The following TMEM209 variants were observed in gnomAD, a reference collection of about 807,000 sequenced individuals.
TMEM209 encodes testicular tissue protein Li 202.
A neutral mutation model predicts 76.2 loss-of-function variants in TMEM209; 65 were observed. The ratio of observed to expected loss-of-function variants is 0.85; its 90% CI spans 0.70 to 1.05. TMEM209 has a LOEUF of 1.05. TMEM209 is among the 50% of genes least tolerant of loss of function. The pLI, the probability that TMEM209 is intolerant of heterozygous loss-of-function variation, is 0.00. For missense variants in TMEM209, 623 were observed against 685.5 expected (o/e 0.91, Z 1.02); for synonymous variants, 239 against 237.6 (o/e 1.01, Z -0.06).
chr7:130,193,504 A>T (rs1456147327), intron 5 of TMEM209, among the ~76,000 whole-genome samples: 1 of 151,808 alleles, frequency 6.6e-6, no homozygotes, highest in Non-Finnish European at 1.5e-5. Context: ...GCGCGACTGC[A>T]CTCCAGCCTG....
intron 8 of TMEM209, among the ~76,000 whole-genome samples, chr7:130,183,706 G>A (rs776093950): frequency 6.6e-6 from 1 of 152,166 alleles, no homozygotes; most frequent in Non-Finnish European, 1.5e-5. Context: ...CACTCACTCT[G>A]TATATGGAAA....
At chr7:130,205,039 T>C (rs1798391528) in intron 1 of TMEM209, 11 of 1,277,050 alleles carry the variant, frequency 8.6e-6, no homozygotes, top group Non-Finnish European at 1.1e-5. Flanking sequence ...ACATTTGGGA[T>C]TTATAATTCC....
At chr7:130,205,118 C>T (rs1202683373) in intron 1 of TMEM209, 10 of 1,424,420 alleles carry the variant, frequency 7.0e-6, no homozygotes, top group East Asian at 2.5e-5. Flanking sequence ...GCAGTCGTAT[C>T]CCACAGAGGA....
intron 6 of TMEM209, 85 bp downstream of exon 6, chr7:130,192,537 G>C (rs17325692): frequency 0.21 from 239,383 of 1,121,188 alleles, 28,137 homozygotes; most frequent in Non-Finnish European, 0.24. Flanking sequence ...AAGTATGTTA[G>C]TATGGATATT....
At position 130,173,863 on chromosome 7, in the gene TMEM209, A is replaced by T. The variant is rs1797154033; in HGVS notation, c.1421T>A (p.Phe474Tyr). ...PHPKYPDGKT[F>Y]TSQHFVQTPN... ...TGTCTGAACAAAGTGCTGAGAAGTA[A>T]AAGTTTTTCCGTCGGGATACTTCGG... The change falls in exon 12 of 15, where the codon TTT becomes TAT. Residue 474 changes from phenylalanine (F) to tyrosine (Y), a missense_variant. Physicochemically the swap from Phe to Tyr is conservative, Grantham distance 22. Coordinates refer to ENST00000397622, the MANE Select transcript of TMEM209 (RefSeq NM_032842.4). 6.2e-7 allele frequency: 1 copy of T among 1,613,834 alleles called. No homozygotes were observed. The highest frequency in any genetic ancestry group is 1.7e-5 in the Admixed American group (1 of 60,016).
chr7:130,203,343 G>T (rs141062705), intron 3 of TMEM209, among the ~76,000 whole-genome samples: 5 of 152,192 alleles, frequency 3.3e-5, no homozygotes, highest in African/African-American at 1.2e-4. Context: ...AATGTGTATA[G>T]ACTATGAAAT....
chr7:130,189,340 C>T (rs1797716902), intron 6 of TMEM209, among the ~76,000 whole-genome samples: 1 of 152,122 alleles, frequency 6.6e-6, no homozygotes, highest in South Asian at 2.1e-4. Context: ...GGGATACAGG[C>T]TCGCGTCACC....
intron 13 of TMEM209, among the ~76,000 whole-genome samples, chr7:130,172,026 C>CT (rs1797086582): frequency 6.6e-6 from 1 of 151,914 alleles, no homozygotes; most frequent in Admixed American, 6.6e-5. Context: ...GAGCAAGACT[C>CT]TGTCTCAAAA....
chr7:130,195,601 G>A (rs906700474), intron 5 of TMEM209, among the ~76,000 whole-genome samples: 1 of 150,338 alleles, frequency 6.7e-6, no homozygotes, highest in East Asian at 2.0e-4. Flanking sequence ...AATTTTACCT[G>A]GTCATCAATT....
intron 6 of TMEM209, among the ~76,000 whole-genome samples, chr7:130,187,417 G>C (rs976055845): frequency 6.6e-6 from 1 of 152,036 alleles, no homozygotes; most frequent in Admixed American, 6.6e-5. Context: ...GAATTTTGTA[G>C]GCCTTGAGAA....
At position 130,170,491 on chromosome 7, in the gene TMEM209, A is replaced by ATTTT. The variant is rs772843982; in HGVS notation, c.1558-19_1558-18insAAAA. On this transcript the variant is annotated intron_variant, in intron 13 of 14. Transcript: ENST00000397622. ...TTTCTGCCCTGGAACAAAGACAAAA[A>ATTTT]AGACAAGATTTAAACCAAATGAAAA... 2.5e-6 allele frequency: 4 copies of ATTTT among 1,601,540 alleles called. No individual in the cohort carries two copies. The Admixed American group carries it at 6.8e-5, about 27-fold the overall frequency.
At chr7:130,166,544 C>T (rs968430125) in intron 14 of TMEM209, 39 bp from the exon 15 acceptor site, 2 of 1,401,688 alleles carry the variant, frequency 1.4e-6, no homozygotes, top group African/African-American at 2.9e-5. Flanking sequence ...AATTGGTTGC[C>T]AAGCATTTAA....
chr7:130,190,227 C>T (rs1375905976), intron 6 of TMEM209, among the ~76,000 whole-genome samples: 3 of 152,050 alleles, frequency 2.0e-5, no homozygotes, highest in Non-Finnish European at 4.4e-5. Flanking sequence ...CTTCAAATGG[C>T]TAATATTGGG....
At position 130,166,423 on chromosome 7, in the gene TMEM209, TA is replaced by T; in HGVS notation, c.*27del. The T allele has an allele frequency of 6.5e-7, 1 of 1,527,352 alleles. No individual in the cohort carries two copies. Among genetic ancestry groups the T allele is most frequent in the Non-Finnish European group, 8.8e-7 (1 of 1,136,260 alleles). 94.6% of individuals were successfully genotyped at this position (1,527,352 alleles called of 1,614,324 possible). ...CGACTTCTGGTTCAGTGAAATAGTC[TA>T]AATGTCAGAATTAAATATATGACTT... On this transcript the variant is annotated 3_prime_UTR_variant, in exon 15 of 15. Coordinates refer to ENST00000397622, the MANE Select transcript of TMEM209 (RefSeq NM_032842.4).
chr7:130,197,691 AT>A (rs1798037868), intron 5 of TMEM209, among the ~76,000 whole-genome samples: 1 of 152,358 alleles, frequency 6.6e-6, no homozygotes, highest in East Asian at 1.9e-4. Flanking sequence ...CACATGAAAC[AT>A]TATGGTAATA....
rs1199062195 is a variant in TMEM209 at position 130,165,192 on chromosome 7, C to G, written c.*1259G>C. On this transcript the variant is annotated 3_prime_UTR_variant, in exon 15 of 15. Transcript: ENST00000397622. ...GGGATGCACATCTAACACTGATACA[C>G]GGTTCTTCAGAAAAGACTAGTTTCA... 8 of 152,148 alleles carry G rather than the reference C, an allele frequency of 5.3e-5. No individual in the cohort carries two copies. The highest frequency in any genetic ancestry group is 1.0e-4 in the Non-Finnish European group (7 of 68,012). 9.4% of individuals were successfully genotyped at this position (152,148 alleles called of 1,614,324 possible).
chr7:130,194,703 A>T (rs1797912444), intron 5 of TMEM209, among the ~76,000 whole-genome samples: 1 of 152,206 alleles, frequency 6.6e-6, no homozygotes, highest in Admixed American at 6.5e-5. Flanking sequence ...ATATACAAGA[A>T]TTTTAAAAAT....
At chr7:130,204,213 C>A in intron 1 of TMEM209, 103 bp from the exon 2 acceptor site, 1 of 1,232,988 alleles carries the variant, frequency 8.1e-7, no homozygotes. Context: ...ACCGCATATA[C>A]CTTCTCTCAT....
intron 9 of TMEM209, among the ~76,000 whole-genome samples, chr7:130,180,509 T>C (rs1797376173): frequency 1.3e-5 from 2 of 151,924 alleles, no homozygotes; most frequent in Admixed American, 1.3e-4. Flanking sequence ...GCTGGGATTA[T>C]AGGCGCCTGC....
Sources: gnomAD v4.1 joint callset for allele counts (sites outside exome capture counted in the v4.1 genomes callset) on GRCh38, gnomAD v4.1.1 for gene constraint, MANE v1.5 for transcripts, NCBI Gene and HGNC (gene_info 2026-07-23, HGNC 2026-07-21) for gene names.